Variants in MALRD1 observed in about 807,000 individuals in gnomAD.
The protein encoded by MALRD1 is MAM and LDL receptor class A domain containing 1.
In MALRD1, 247 loss-of-function variants were observed where a neutral mutation model predicts 242.1. The ratio of observed to expected loss-of-function variants is 1.02; its 90% CI spans 0.92 to 1.13. MALRD1 has a LOEUF of 1.13. Among genes scored for constraint, MALRD1 ranks in the 50% most tolerant of loss-of-function variants. MALRD1 has a pLI of 0.00. For synonymous variants in MALRD1, 995 were observed against 866.6 expected (o/e 1.15, Z -2.60); for missense variants, 2,989 against 2,533.1 (o/e 1.18, Z -3.86).
At chr10:19,088,271 C>T in intron 4 of MALRD1, 86 bp downstream of exon 4, 1 of 1,153,932 alleles carries the variant, frequency 8.7e-7, no homozygotes, top group Non-Finnish European at 1.1e-6. Flanking sequence ...AGTAAGGCAA[C>T]TGTCCCAGTT....
chr10:19,614,044 T>C (rs1839023552), intron 35 of MALRD1, among the ~76,000 whole-genome samples: 2 of 152,070 alleles, frequency 1.3e-5, no homozygotes, highest in African/African-American at 4.8e-5. Context: ...CATTTTTTTT[T>C]CATCTGGAAG....
At chr10:19,101,817 A>G (rs1836270533) in intron 4 of MALRD1, among the ~76,000 whole-genome samples, 1 of 136,280 alleles carries the variant, frequency 7.3e-6, no homozygotes, top group South Asian at 2.3e-4. Flanking sequence ...TAAATTTATA[A>G]TATATAAATA....
intron 8 of MALRD1, among the ~76,000 whole-genome samples, chr10:19,130,673 T>A (rs1833064907): frequency 6.6e-6 from 1 of 152,134 alleles, no homozygotes. Context: ...TGAATGTATG[T>A]ATTGTGTATG....
At chr10:19,607,746 A>T in intron 34 of MALRD1, 31 bp from the exon 35 acceptor site, 1 of 1,537,400 alleles carries the variant, frequency 6.5e-7, no homozygotes, top group Non-Finnish European at 8.8e-7. Context: ...TCATGCTGGC[A>T]TCCCTGATCA....
intron 18 of MALRD1, among the ~76,000 whole-genome samples, chr10:19,216,036 G>A (rs933824445): frequency 2.6e-5 from 4 of 151,256 alleles, no homozygotes; most frequent in African/African-American, 9.7e-5. Flanking sequence ...CATTAGAAAG[G>A]TAGAGTATTG....
chr10:19,088,341 AT>A (rs1276294180), intron 4 of MALRD1, among the ~76,000 whole-genome samples, 156 bp downstream of exon 4: 4 of 152,076 alleles, frequency 2.6e-5, no homozygotes, highest in African/African-American at 7.2e-5. Flanking sequence ...ATCTCAGGCA[AT>A]TTGGGATGGC....
At chr10:19,078,344 A>G (rs993914167) in intron 2 of MALRD1, among the ~76,000 whole-genome samples, 1 of 151,726 alleles carries the variant, frequency 6.6e-6, no homozygotes, top group African/African-American at 2.4e-5. Flanking sequence ...TACTTGATCA[A>G]TATGGTGTTT....
chr10:19,112,150 A>ATTT lies in MALRD1; in HGVS notation c.694+8092_694+8094dup, dbSNP rs5783654. ...CTGAATTTTAAATAAGATTCTCAGG[A>ATTT]TTTTTTTTTTTTTTTTTTTATGAAG... On this transcript the variant is annotated intron_variant, in intron 5 of 39. Transcript: ENST00000454679. 2.4e-4 allele frequency among the ~76,000 whole-genome samples: 34 copies of ATTT among 140,062 alleles called. 1 individual carries two copies. In the South Asian group the frequency reaches 3.2e-3, roughly 13 times the overall value. The allele number at this position is 140,062 out of a possible 152,430, so 91.9% of individuals were successfully genotyped here.
At chr10:19,353,968 C>T (rs1293690274) in intron 26 of MALRD1, among the ~76,000 whole-genome samples, 1 of 151,800 alleles carries the variant, frequency 6.6e-6, no homozygotes, top group Non-Finnish European at 1.5e-5. Flanking sequence ...TCAAAGCAAT[C>T]CACCTGCCTC....
intron 21 of MALRD1, among the ~76,000 whole-genome samples, chr10:19,304,191 C>T (rs1842069850): frequency 6.6e-6 from 1 of 151,720 alleles, no homozygotes; most frequent in Non-Finnish European, 1.5e-5. Context: ...AACGAGCAGC[C>T]ACTCAGATTC....
At chr10:19,412,072 G>A (rs1459535244) in intron 28 of MALRD1, among the ~76,000 whole-genome samples, 2 of 152,220 alleles carry the variant, frequency 1.3e-5, no homozygotes, top group Non-Finnish European at 2.9e-5. Flanking sequence ...GCCAAGGTGG[G>A]TGGATCACCT....
At chr10:19,421,588 C>T (rs752194044) in intron 28 of MALRD1, among the ~76,000 whole-genome samples, 1 of 152,156 alleles carries the variant, frequency 6.6e-6, no homozygotes, top group Non-Finnish European at 1.5e-5. Context: ...ATGAGAAACA[C>T]ATTTCATTAT....
chr10:19,351,532 T>C lies in MALRD1; in HGVS notation c.4150-474T>C, dbSNP rs1361774490. On this transcript the variant is annotated intron_variant, in intron 25 of 39. Coordinates refer to ENST00000454679, the MANE Select transcript of MALRD1 (RefSeq NM_001142308.3). ...AGAATCTTACAGAACTGAAAAAGTG[T>C]TTCAAGTACAAGAATGGCAGTGGAA... Among the ~76,000 whole-genome samples, 5 of 152,218 alleles carry C rather than the reference T, an allele frequency of 3.3e-5. No homozygotes were observed. In the South Asian group the frequency reaches 1.0e-3, roughly 32 times the overall value.
At chr10:19,301,524 A>G (rs1436006927) in intron 21 of MALRD1, among the ~76,000 whole-genome samples, 1 of 151,960 alleles carries the variant, frequency 6.6e-6, no homozygotes, top group Middle Eastern at 3.2e-3. Context: ...ATAGAACACT[A>G]TGCAGCCATA....
rs1411856543 is a variant in MALRD1 at position 19,221,584 on chromosome 10, A to C, written c.2991+11904A>C. Among the ~76,000 whole-genome samples the C allele has an allele frequency of 9.2e-5, 14 of 152,308 alleles. No individual in the cohort carries two copies. The East Asian group carries it at 2.3e-3, about 25-fold the overall frequency. ...ATGCAAAGCTTAGTTTTCAGTGTGA[A>C]GAACCCATGACTAGAGAAGGGAAGA... is the stretch of plus-strand genomic sequence containing the variant. On this transcript the variant is annotated intron_variant, in intron 18 of 39. Transcript: ENST00000454679.
chr10:19,446,614 T>A (rs1834996825), intron 28 of MALRD1, among the ~76,000 whole-genome samples: 1 of 152,138 alleles, frequency 6.6e-6, no homozygotes, highest in South Asian at 2.1e-4. Context: ...AAGACTGGCA[T>A]AAAGTATGAA....
At chr10:19,244,086 T>C (rs933702372) in intron 18 of MALRD1, among the ~76,000 whole-genome samples, 5 of 152,098 alleles carry the variant, frequency 3.3e-5, no homozygotes, top group Non-Finnish European at 5.9e-5. Flanking sequence ...TCTAAAGATA[T>C]CCGAAACTAA....
intron 38 of MALRD1, among the ~76,000 whole-genome samples, chr10:19,707,330 A>G (rs1048365261): frequency 2.6e-5 from 4 of 152,040 alleles, no homozygotes; most frequent in African/African-American, 9.7e-5. Flanking sequence ...CTTTATTCTG[A>G]CCACACCTTC....
intron 28 of MALRD1, among the ~76,000 whole-genome samples, chr10:19,427,485 C>T (rs541778988): frequency 1.1e-4 from 16 of 152,294 alleles, no homozygotes; most frequent in Admixed American, 2.0e-4. Flanking sequence ...AATTGCCTAA[C>T]ACTGGCTTAA....
Sources: allele counts gnomAD v4.1 joint callset (sites outside exome capture counted in the v4.1 genomes callset), GRCh38; gene constraint gnomAD v4.1.1; transcripts MANE v1.5; gene names NCBI Gene and HGNC (gene_info 2026-07-23, HGNC 2026-07-21).